ADGRV1: variants seen among roughly 807,000 people sequenced by gnomAD.
ADGRV1 encodes the protein G-protein coupled receptor 98.
Under a neutral mutation model 596.2 loss-of-function variants are expected in ADGRV1, and 359 were observed. That is an observed-to-expected ratio of 0.60 (90% CI 0.55 to 0.66). The LOEUF is 0.66. ADGRV1 is among the 30% of genes least tolerant of loss of function. The pLI is 0.00. For synonymous variants in ADGRV1, 2,681 were observed against 2,679.2 expected, an observed-to-expected ratio of 1.00 and a Z score of -0.02; for missense variants, 7,274 against 7,575.6, an observed-to-expected ratio of 0.96 and a Z score of 1.48.
chr5:90,820,882 C>T (rs961700833), intron 75 of ADGRV1, among the ~76,000 whole-genome samples: 17 of 152,216 alleles, frequency 1.1e-4, no homozygotes, highest in African/African-American at 4.1e-4. Context: ...GTGAATCTGA[C>T]AGTTATGTGT....
chr5:91,116,550 T>G lies in ADGRV1; in HGVS notation c.18432+14210T>G, dbSNP rs565156128. ...ATCATTGAAATCAGTTAGCAGTGTT[T>G]TCTCTAATTCCCTTCAGTTAGTCTG... On this transcript the variant is annotated intron_variant, in intron 87 of 89. Transcript: ENST00000405460. Among the ~76,000 whole-genome samples the G allele has an allele frequency of 3.9e-5, 6 of 152,322 alleles. No individual in the cohort carries two copies. In the East Asian group the frequency reaches 1.2e-3, roughly 29 times the overall value.
intron 58 of ADGRV1, 143 bp from the exon 59 acceptor site, chr5:90,763,162 A>C: frequency 1.3e-6 from 1 of 753,340 alleles, no homozygotes; most frequent in Non-Finnish European, 1.9e-6. Context: ...TGGTAAAAAA[A>C]ATTTTTCTGC....
chr5:91,150,243 TTCTCTGTC>T, intron 88 of ADGRV1, 22 bp downstream of exon 88: 1 of 1,489,206 alleles, frequency 6.7e-7, no homozygotes, highest in Non-Finnish European at 9.0e-7. Context: ...TGCCCTTTCA[TTCTCTGTC>T]TCTCTGTCTC....
rs147531638 is a variant in ADGRV1, at chr5:90,771,065, A to C, written c.12286-3121A>C. The stretch of plus-strand genomic sequence containing the variant: ...ATACTATTGACATTTCTTCATGAGC[A>C]CTGTTTTACTGTGGTGTTTATAGTT... On this transcript the variant is annotated intron_variant, in intron 59 of 89. Transcript: ENST00000405460. Among the ~76,000 whole-genome samples the C allele has an allele frequency of 2.6e-5, 4 of 152,252 alleles. No homozygotes were observed. The East Asian group carries it at 7.7e-4, about 29-fold the overall frequency.
chr5:91,106,953 C>T (rs1396298139), intron 87 of ADGRV1, among the ~76,000 whole-genome samples: 1 of 152,220 alleles, frequency 6.6e-6, no homozygotes, highest in Non-Finnish European at 1.5e-5. Context: ...CAATGCCTAA[C>T]TCTGGCTAGT....
intron 77 of ADGRV1, among the ~76,000 whole-genome samples, chr5:90,831,217 A>ATC (rs67788749): frequency 0.023 from 3,386 of 150,358 alleles, 187 homozygotes; most frequent in East Asian, 0.22. Flanking sequence ...CTTATAATAA[A>ATC]TCTCTCTCTC....
intron 23 of ADGRV1, chr5:90,674,769 T>C (rs1772985683): frequency 6.5e-6 from 1 of 154,452 alleles, no homozygotes; most frequent in Non-Finnish European, 1.4e-5. Context: ...GTTAAAAGGT[T>C]TGGGTAGAAA....
At chr5:90,853,009 A>G (rs963158428) in intron 79 of ADGRV1, among the ~76,000 whole-genome samples, 1 of 152,188 alleles carries the variant, frequency 6.6e-6, no homozygotes, top group African/African-American at 2.4e-5. Flanking sequence ...ATGGCCACAG[A>G]TTTCATCTTG....
chr5:90,823,879 C>T (rs1763835631), intron 76 of ADGRV1, among the ~76,000 whole-genome samples: 1 of 152,070 alleles, frequency 6.6e-6, no homozygotes, highest in African/African-American at 2.4e-5. Flanking sequence ...ATTCTTGGTA[C>T]AATTCTTTCC....
chr5:90,756,687 G>A, intron 56 of ADGRV1, 57 bp downstream of exon 56: 1 of 1,422,618 alleles, frequency 7.0e-7, no homozygotes, highest in East Asian at 2.3e-5. Context: ...TGCTGATTTG[G>A]CCAGTGTTTT....
intron 85 of ADGRV1, among the ~76,000 whole-genome samples, chr5:91,044,719 T>C (rs1039894339): frequency 5.3e-5 from 8 of 152,190 alleles, no homozygotes; most frequent in African/African-American, 1.9e-4. Flanking sequence ...TTTGAAATTT[T>C]ATTTAGGTAC....
chr5:90,639,080 A>T (rs915721008), intron 11 of ADGRV1, among the ~76,000 whole-genome samples: 25 of 151,724 alleles, frequency 1.6e-4, no homozygotes, highest in African/African-American at 6.1e-4. Flanking sequence ...CAACACACAC[A>T]CACACACACA....
chr5:90,759,643 T>G, intron 58 of ADGRV1, 55 bp downstream of exon 58: 1 of 1,497,870 alleles, frequency 6.7e-7, no homozygotes, highest in South Asian at 1.2e-5. Flanking sequence ...TTCATGTAAT[T>G]TTGAGTAGAA....
intron 87 of ADGRV1, among the ~76,000 whole-genome samples, chr5:91,118,397 A>AT (rs912314211): frequency 6.6e-6 from 1 of 152,132 alleles, no homozygotes; most frequent in East Asian, 1.9e-4. Context: ...CAAAAAAATT[A>AT]TTTTTTGTAA....
intron 82 of ADGRV1, among the ~76,000 whole-genome samples, chr5:90,857,633 C>T (rs1767147916): frequency 1.3e-5 from 2 of 152,226 alleles, no homozygotes; most frequent in South Asian, 4.1e-4. Context: ...ATTTTATTCT[C>T]TCTGTCCATG....
Position 90,635,192 on chromosome 5 carries a change from T to G in ADGRV1, c.1918T>G (p.Ser640Ala). The G allele has an allele frequency of 6.2e-7, 1 of 1,613,198 alleles. No homozygotes were observed. Residue 640 changes from serine (S) to alanine (A), a missense_variant, in exon 10 of 90, where the codon TCT (serine) becomes GCT (alanine). Ser to Ala is a moderately conservative substitution (Grantham distance 99). Transcript: ENST00000405460. ...TAGATTTGGGGAAATCTGCAATATT[T>G]CTTTACTGGTTACTCCAGCCATTGC... ...SPRFGEICNISLLVTPAIANG... is the reference protein window; with the variant it reads ...SPRFGEICNIALLVTPAIANG...
At position 91,138,833 on chromosome 5, in the gene ADGRV1, A is replaced by G. The variant is rs532444331; in HGVS notation, c.18433-11197A>G. Among the ~76,000 whole-genome samples the G allele has an allele frequency of 5.3e-5, 8 of 149,706 alleles. No individual in the cohort carries two copies. The East Asian group carries it at 1.6e-3, about 29-fold the overall frequency. ...GTTACCTGGGCTGGAATGCAGTGGC[A>G]CCATCTCGGCTCACTGCAACCTCCA... On this transcript the variant is annotated intron_variant, in intron 87 of 89. Coordinates refer to ENST00000405460, the MANE Select transcript of ADGRV1 (RefSeq NM_032119.4).
intron 55 of ADGRV1, among the ~76,000 whole-genome samples, chr5:90,756,161 C>T (rs1478598613): frequency 6.6e-6 from 1 of 151,994 alleles, no homozygotes; most frequent in Non-Finnish European, 1.5e-5. Context: ...ATATGTAAAA[C>T]ATACAATAGA....
At position 90,689,788 on chromosome 5, in the gene ADGRV1, A is replaced by T. The variant is rs1746224840; in HGVS notation, c.6491-73A>T. ...AGATCCATAAAGTTTGTTACCTGAT[A>T]GTTTTTCCCTAGTATATGGAATGTT... On this transcript the variant is annotated intron_variant, in intron 29 of 89. Coordinates refer to ENST00000405460, the MANE Select transcript of ADGRV1 (RefSeq NM_032119.4). 3 of 985,222 alleles carry T rather than the reference A, an allele frequency of 3.0e-6. No individual in the cohort carries two copies. In the East Asian group the frequency reaches 7.7e-5, roughly 25 times the overall value. The allele number at this position is 985,222 out of a possible 1,614,324, so 61.0% of individuals were successfully genotyped here. A position where few individuals can be genotyped will look rare whatever the true frequency, so the allele number is the denominator to read the frequency against.
Sources: gnomAD v4.1 joint callset for allele counts (sites outside exome capture counted in the v4.1 genomes callset) on GRCh38, gnomAD v4.1.1 for gene constraint, MANE v1.5 for transcripts, NCBI Gene and HGNC (gene_info 2026-07-23, HGNC 2026-07-21) for gene names.